The following LINC00237 variants were observed in gnomAD, a reference collection of about 807,000 sequenced individuals.
The protein encoded by LINC00237 is long independently transcribed non-coding RNA 237, also known as long intergenic non-protein coding RNA 237.
intron 1 of LINC00237, among the ~76,000 whole-genome samples, chr20:21,102,047 C>A (rs1258305909): frequency 6.6e-6 from 1 of 152,252 alleles, no homozygotes; most frequent in East Asian, 1.9e-4. Context: ...TTGGGCATCG[C>A]GGTATCTTCC....
intron 1 of LINC00237, among the ~76,000 whole-genome samples, chr20:21,105,604 G>T (rs779591761): frequency 3.3e-5 from 5 of 152,208 alleles, no homozygotes; most frequent in Non-Finnish European, 4.4e-5. Flanking sequence ...TCTTCCAGGG[G>T]AAGGAGTGGC....
intron 1 of LINC00237, among the ~76,000 whole-genome samples, chr20:21,105,110 C>T (rs1426015535): frequency 1.3e-5 from 2 of 152,208 alleles, no homozygotes; most frequent in Non-Finnish European, 2.9e-5. Flanking sequence ...TGCAGGGCCT[C>T]TCTGGGTGAA....
At chr20:21,090,149 A>G (rs561439750) in intron 2 of LINC00237, 11 of 152,136 alleles carry the variant, frequency 7.2e-5, no homozygotes, top group Non-Finnish European at 1.6e-4. Context: ...TAGACTCCGA[A>G]TTGCATTTGG....
At chr20:21,100,517 CT>C (rs2030916950) in intron 1 of LINC00237, among the ~76,000 whole-genome samples, 1 of 152,258 alleles carries the variant, frequency 6.6e-6, no homozygotes, top group Admixed American at 6.5e-5. Context: ...AAGGGAGGCT[CT>C]GGCTTCCGTT....
At chr20:21,103,536 T>G (rs997050319) in intron 1 of LINC00237, among the ~76,000 whole-genome samples, 1 of 152,200 alleles carries the variant, frequency 6.6e-6, no homozygotes, top group African/African-American at 2.4e-5. Context: ...AGCTGGCAAT[T>G]TGAACCGGCT....
chr20:21,095,099 C>T (rs566639659), intron 1 of LINC00237, among the ~76,000 whole-genome samples: 1 of 152,094 alleles, frequency 6.6e-6, no homozygotes, highest in East Asian at 1.9e-4. Context: ...TTTTCCCTTC[C>T]CCTTGAATCT....
intron 3 of LINC00237, among the ~76,000 whole-genome samples, chr20:21,086,745 A>G (rs528457551): frequency 2.1e-4 from 26 of 124,554 alleles, no homozygotes; most frequent in African/African-American, 7.5e-4. Flanking sequence ...TATACTATAC[A>G]TGTACTATAT....
chr20:21,089,372 G>C (rs1249220572), intron 2 of LINC00237, among the ~76,000 whole-genome samples: 2 of 151,834 alleles, frequency 1.3e-5, no homozygotes, highest in Non-Finnish European at 2.9e-5. Context: ...GACTGCCTGT[G>C]AGAATCCTGT....
chr20:21,097,378 A>G (rs1366802251), intron 1 of LINC00237, among the ~76,000 whole-genome samples: 1 of 152,184 alleles, frequency 6.6e-6, no homozygotes, highest in African/African-American at 2.4e-5. Context: ...ACAAATGGTC[A>G]TTAAAAAAAG....
intron 1 of LINC00237, among the ~76,000 whole-genome samples, chr20:21,096,466 G>A (rs1354448618): frequency 2.6e-5 from 4 of 152,158 alleles, no homozygotes; most frequent in Non-Finnish European, 4.4e-5. Flanking sequence ...TCCTCGTGTC[G>A]CTGCAAGGGA....
At chr20:21,090,560 G>A (rs1397185654) in intron 2 of LINC00237, 1 of 152,186 alleles carries the variant, frequency 6.6e-6, no homozygotes, top group African/African-American at 2.4e-5. Context: ...ATAATGTGCG[G>A]ATGAAAAGGT....
chr20:21,099,261 C>G (rs1281053015), intron 1 of LINC00237, among the ~76,000 whole-genome samples: 1 of 152,144 alleles, frequency 6.6e-6, no homozygotes, highest in Non-Finnish European at 1.5e-5. Context: ...AGGACAATAT[C>G]CAGCCAAAAT....
intron 1 of LINC00237, among the ~76,000 whole-genome samples, chr20:21,100,026 C>T (rs2030908798): frequency 6.6e-6 from 1 of 152,188 alleles, no homozygotes; most frequent in African/African-American, 2.4e-5. Flanking sequence ...AAATTCTGAC[C>T]TCCGATGGCG....
chr20:21,105,821 C>T (rs1177718960), intron 1 of LINC00237, among the ~76,000 whole-genome samples: 1 of 152,192 alleles, frequency 6.6e-6, no homozygotes, highest in Non-Finnish European at 1.5e-5. Context: ...CTCCCTCTTC[C>T]CCCGGACCTG....
chr20:21,091,056 TGTGC>T (rs1233946560), intron 2 of LINC00237, among the ~76,000 whole-genome samples: 3 of 150,258 alleles, frequency 2.0e-5, no homozygotes, highest in African/African-American at 5.0e-5. Context: ...CGTGTGTGTG[TGTGC>T]GTGTGTGTGT....
At chr20:21,087,093 T>G (rs1018661787) in intron 3 of LINC00237, among the ~76,000 whole-genome samples, 10 of 148,258 alleles carry the variant, frequency 6.7e-5, no homozygotes, top group Admixed American at 4.1e-4. Flanking sequence ...ACTATATATG[T>G]AGAGAGAGAG....
chr20:21,095,159 A>G (rs1310994514), intron 1 of LINC00237, among the ~76,000 whole-genome samples: 3 of 152,218 alleles, frequency 2.0e-5, no homozygotes, highest in Non-Finnish European at 4.4e-5. Context: ...TGGGAGTAAC[A>G]GTCTGGGACT....
chr20:21,097,566 T>C (rs1009778287), intron 1 of LINC00237, among the ~76,000 whole-genome samples: 27 of 152,206 alleles, frequency 1.8e-4, no homozygotes, highest in African/African-American at 6.5e-4. Flanking sequence ...AAGGTGTATA[T>C]TTTTTTACAT....
At chr20:21,087,399 G>A (rs2030728311) in intron 3 of LINC00237, among the ~76,000 whole-genome samples, 1 of 151,734 alleles carries the variant, frequency 6.6e-6, no homozygotes. Context: ...TTCTCTTATT[G>A]CAAACAGTGC....
Sources: gnomAD v4.1 joint callset for allele counts (sites outside exome capture counted in the v4.1 genomes callset) on GRCh38, gnomAD v4.1.1 for gene constraint, MANE v1.5 for transcripts, NCBI Gene and HGNC (gene_info 2026-07-23, HGNC 2026-07-21) for gene names.